Variants in CTIF observed in about 807,000 individuals in gnomAD.
The protein encoded by CTIF is CBP80/20-dependent translation initiation factor.
Under a neutral mutation model 66.0 loss-of-function variants are expected in CTIF, and 21 were observed. The observed-to-expected ratio is 0.32, with a 90% CI of 0.23 to 0.46. CTIF has a LOEUF of 0.46. Among genes scored for constraint, CTIF ranks in the 20% least tolerant of loss-of-function variants. The probability of loss-of-function intolerance (pLI) is 1.00; values close to 1 mark genes in which losing one functional copy is unlikely to be tolerated. For synonymous variants in CTIF, 345 were observed against 326.4 expected (o/e 1.06, Z -0.62); for missense variants, 739 against 812.7 (o/e 0.91, Z 1.10).
chr18:48,583,523 A>G (rs891269458), intron 1 of CTIF, among the ~76,000 whole-genome samples: 1 of 152,166 alleles, frequency 6.6e-6, no homozygotes, highest in African/African-American at 2.4e-5. Flanking sequence ...ATTAACAGAC[A>G]GTGTGCCCTC....
intron 6 of CTIF, among the ~76,000 whole-genome samples, chr18:48,696,150 A>G (rs1326590882): frequency 3.3e-5 from 5 of 152,228 alleles, no homozygotes; most frequent in African/African-American, 1.2e-4. Flanking sequence ...GTAAGATGCA[A>G]TTCTGGAGGT....
chr18:48,758,269 C>A lies in CTIF; in HGVS notation c.935C>A (p.Pro312His). The A allele has an allele frequency of 6.2e-7, 1 of 1,613,462 alleles. No individual in the cohort carries two copies. Among genetic ancestry groups the A allele is most frequent in the South Asian group, 1.1e-5 (1 of 91,062 alleles). The change falls in exon 8 of 12, where the codon CCC (proline) becomes CAC (histidine). Residue 312 changes from proline to histidine, a missense_variant. By Grantham distance (77) the Pro-to-His change is moderately conservative (BLOSUM62 -2). Coordinates refer to ENST00000256413, the MANE Select transcript of CTIF (RefSeq NM_014772.3). ...GCCCCGGTGGCTTCTGAGCGGCTGC[C>A]CCCACAGCAGTCAGGGGGGCCAGAG... ...TLAPVASERL[P>H]PQQSGGPEVE...
intron 3 of CTIF, among the ~76,000 whole-genome samples, chr18:48,663,131 C>G (rs1356070523): frequency 6.6e-6 from 1 of 152,084 alleles, no homozygotes; most frequent in East Asian, 1.9e-4. Context: ...GTAAGAAGGG[C>G]TGGAGGGCAT....
chr18:48,774,856 A>G (rs1230633721), intron 9 of CTIF, among the ~76,000 whole-genome samples: 3 of 152,234 alleles, frequency 2.0e-5, no homozygotes, highest in Non-Finnish European at 4.4e-5. Flanking sequence ...GTGAATAGCT[A>G]TAATCGGAAT....
chr18:48,581,527 G>A (rs888978943), intron 1 of CTIF, among the ~76,000 whole-genome samples: 16 of 152,106 alleles, frequency 1.1e-4, no homozygotes, highest in African/African-American at 3.9e-4. Context: ...CTTAACCACT[G>A]CACTTCATCT....
At chr18:48,856,123 C>T (rs1568272805) in intron 10 of CTIF, among the ~76,000 whole-genome samples, 1 of 152,164 alleles carries the variant, frequency 6.6e-6, no homozygotes, top group Admixed American at 6.5e-5. Flanking sequence ...GCAAAGAGGG[C>T]TGTGGTAGGA....
intron 1 of CTIF, among the ~76,000 whole-genome samples, chr18:48,572,051 C>T (rs949318839): frequency 2.0e-5 from 3 of 151,892 alleles, no homozygotes; most frequent in Non-Finnish European, 4.4e-5. Flanking sequence ...CCTTCTCTTT[C>T]TCCTTCTCCT....
chr18:48,821,894 T>C (rs1447836697), intron 10 of CTIF, among the ~76,000 whole-genome samples: 2 of 152,246 alleles, frequency 1.3e-5, no homozygotes, highest in African/African-American at 2.4e-5. Flanking sequence ...AGTACAGTAT[T>C]GTATCCATAG....
chr18:48,836,569 G>T (rs1420848563), intron 10 of CTIF, among the ~76,000 whole-genome samples: 1 of 152,188 alleles, frequency 6.6e-6, no homozygotes, highest in African/African-American at 2.4e-5. Flanking sequence ...CAGCCCTCCA[G>T]GTCCCAACAT....
At chr18:48,596,714 G>C (rs2089992946) in intron 1 of CTIF, among the ~76,000 whole-genome samples, 1 of 152,102 alleles carries the variant, frequency 6.6e-6, no homozygotes. Flanking sequence ...CTGATCTTGT[G>C]ATCCGCCCAC....
At chr18:48,743,881 C>T (rs1028365646) in intron 7 of CTIF, among the ~76,000 whole-genome samples, 1 of 152,118 alleles carries the variant, frequency 6.6e-6, no homozygotes, top group African/African-American at 2.4e-5. Context: ...CTGTGGCAGC[C>T]CTCTAAACTG....
intron 1 of CTIF, among the ~76,000 whole-genome samples, chr18:48,546,307 TGTAA>T (rs745876036): frequency 1.4e-4 from 21 of 152,244 alleles, no homozygotes; most frequent in Non-Finnish European, 2.2e-4. Context: ...CCTGGCACAT[TGTAA>T]GTGTGTGTTC....
chr18:48,554,664 T>A (rs1428515994), intron 1 of CTIF, among the ~76,000 whole-genome samples: 4 of 152,248 alleles, frequency 2.6e-5, no homozygotes, highest in South Asian at 2.1e-4. Context: ...AGAGAAAGAA[T>A]CTTCCAGGTT....
intron 1 of CTIF, among the ~76,000 whole-genome samples, chr18:48,582,914 G>A (rs575635688): frequency 6.6e-6 from 1 of 152,192 alleles, no homozygotes; most frequent in East Asian, 1.9e-4. Flanking sequence ...ATGCTCCTGG[G>A]CACTCTTCCT....
chr18:48,857,679 C>T (rs752028268), intron 11 of CTIF, 38 bp downstream of exon 11: 16 of 1,578,144 alleles, frequency 1.0e-5, no homozygotes, highest in Admixed American at 3.6e-5. Context: ...ACCTCAAAGC[C>T]GGTGCATCTC....
intron 1 of CTIF, among the ~76,000 whole-genome samples, chr18:48,548,058 G>A (rs1275815408): frequency 1.3e-5 from 2 of 152,216 alleles, no homozygotes; most frequent in East Asian, 1.9e-4. Flanking sequence ...CGCTCTCTGT[G>A]TGCCTCGCTA....
chr18:48,561,076 T>C (rs1404183964), intron 1 of CTIF, among the ~76,000 whole-genome samples: 3 of 151,934 alleles, frequency 2.0e-5, no homozygotes, highest in Admixed American at 2.0e-4. Flanking sequence ...CCATCTCTAC[T>C]AAAAATACAA....
At chr18:48,743,826 T>C (rs1188670139) in intron 7 of CTIF, among the ~76,000 whole-genome samples, 2 of 152,188 alleles carry the variant, frequency 1.3e-5, no homozygotes, top group Admixed American at 1.3e-4. Flanking sequence ...GAAACTATTA[T>C]GGTGAGAGGA....
At chr18:48,645,278 C>CAAAAA (rs74174711) in intron 3 of CTIF, among the ~76,000 whole-genome samples, 861 of 69,136 alleles carry the variant, frequency 0.012, 45 homozygotes, top group South Asian at 0.033. Flanking sequence ...TGGACACAGG[C>CAAAAA]AAAAAAAAAA....
Sources: gnomAD v4.1 joint callset for allele counts (sites outside exome capture counted in the v4.1 genomes callset) on GRCh38, gnomAD v4.1.1 for gene constraint, MANE v1.5 for transcripts, NCBI Gene and HGNC (gene_info 2026-07-23, HGNC 2026-07-21) for gene names.